PRSS12: variants seen among roughly 807,000 people sequenced by gnomAD.
The protein encoded by PRSS12 is serine protease 12.
A neutral mutation model predicts 104.4 loss-of-function variants in PRSS12; 85 were observed. That is an observed-to-expected ratio of 0.81 (90% confidence interval 0.68 to 0.98). The LOEUF is 0.98. Ranked by LOEUF, PRSS12 falls within the 50% of genes least tolerant of loss-of-function variation. PRSS12 has a pLI of 0.00. For missense variants in PRSS12, 1,141 were observed against 1,139.2 expected, an observed-to-expected ratio of 1.00 and a Z score of -0.02; for synonymous variants, 454 against 425.2, an observed-to-expected ratio of 1.07 and a Z score of -0.83.
intron 5 of PRSS12, 71 bp downstream of exon 5, chr4:118,318,307 A>G: frequency 7.0e-7 from 1 of 1,434,870 alleles, no homozygotes; most frequent in Non-Finnish European, 9.7e-7. Context: ...AATTAAGGAG[A>G]AGGGAAGCTG....
At chr4:118,287,006 G>A (rs1248036855) in intron 11 of PRSS12, among the ~76,000 whole-genome samples, 2 of 152,176 alleles carry the variant, frequency 1.3e-5, no homozygotes, top group East Asian at 3.9e-4. Context: ...GTAAACCCCA[G>A]AATTTGTATG....
At chr4:118,315,840 T>A (rs1247906582) in intron 6 of PRSS12, among the ~76,000 whole-genome samples, 1 of 152,208 alleles carries the variant, frequency 6.6e-6, no homozygotes, top group Non-Finnish European at 1.5e-5. Context: ...TAGACAATGA[T>A]GTCAAAACTA....
intron 3 of PRSS12, among the ~76,000 whole-genome samples, chr4:118,332,816 A>T (rs1723961959): frequency 6.6e-6 from 1 of 152,198 alleles, no homozygotes; most frequent in Non-Finnish European, 1.5e-5. Context: ...ATAATTGGCA[A>T]CATCTATTCA....
intron 4 of PRSS12, among the ~76,000 whole-genome samples, chr4:118,330,942 T>A (rs5019068): frequency 3.1e-5 from 1 of 31,838 alleles, no homozygotes; most frequent in Admixed American, 7.7e-4. Context: ...CTGAACACAA[T>A]GAACAGGGAA....
intron 11 of PRSS12, among the ~76,000 whole-genome samples, chr4:118,292,487 G>A (rs895588717): frequency 6.6e-6 from 1 of 152,156 alleles, no homozygotes; most frequent in Non-Finnish European, 1.5e-5. Context: ...TATCAGCAAA[G>A]TCAACATCTC....
At chr4:118,282,428 A>G (rs950052566) in intron 12 of PRSS12, among the ~76,000 whole-genome samples, 185 bp from the exon 13 acceptor site, 21 of 152,232 alleles carry the variant, frequency 1.4e-4, no homozygotes, top group Non-Finnish European at 2.6e-4. Flanking sequence ...CACAATCTTA[A>G]CCTTCACAAA....
intron 1 of PRSS12, among the ~76,000 whole-genome samples, chr4:118,347,737 G>A (rs970700663): frequency 2.0e-5 from 3 of 152,172 alleles, no homozygotes; most frequent in Non-Finnish European, 1.5e-5. Flanking sequence ...TGCCCAGAAT[G>A]GGGTGCAGTG....
intron 1 of PRSS12, among the ~76,000 whole-genome samples, chr4:118,340,208 A>G (rs1724166718): frequency 6.6e-6 from 1 of 152,222 alleles, no homozygotes; most frequent in African/African-American, 2.4e-5. Context: ...CAGGTCAACT[A>G]TCAGCTGCAC....
At position 118,352,468 on chromosome 4, in the gene PRSS12, T is replaced by C; in HGVS notation, c.253A>G (p.Thr85Ala). 1 of 1,394,434 alleles carries C rather than the reference T, an allele frequency of 7.2e-7. No homozygotes were observed. Among genetic ancestry groups the C allele is most frequent in the Non-Finnish European group, 9.2e-7 (1 of 1,081,892 alleles). The allele number at this position is 1,394,434 out of a possible 1,614,324, so 86.4% of individuals were successfully genotyped here. A position where few individuals can be genotyped will look rare whatever the true frequency, so the allele number is the denominator to read the frequency against. ...QRPHALQAGH[T>A]PRPHPWGCPA... ...CAGCCCCAGGGGTGCGGCCGGGGCGTGTGCCCGGCCTGGAGGGCGTGCGGG... is the reference window on the plus strand; with the variant it reads ...CAGCCCCAGGGGTGCGGCCGGGGCGCGTGCCCGGCCTGGAGGGCGTGCGGG... Residue 85 changes from threonine to alanine, a missense_variant, in exon 1 of 13, where the codon ACG becomes GCG. By Grantham distance (58) the Thr-to-Ala change is moderately conservative. Coordinates refer to ENST00000296498, the MANE Select transcript of PRSS12 (RefSeq NM_003619.4).
Position 118,318,231 on chromosome 4 carries a change from C to T in PRSS12, c.1150+147G>A, listed in dbSNP as rs1421480965. On this transcript the variant is annotated intron_variant, in intron 5 of 12. Coordinates refer to ENST00000296498, the MANE Select transcript of PRSS12 (RefSeq NM_003619.4). ...AATAAAAAGATGGTACTTTAATATA[C>T]GGTTTGCATTCTTTTTGTTTGTTTT... The T allele has an allele frequency of 9.1e-5, 71 of 780,720 alleles. 1 individual carries two copies. The South Asian group carries it at 1.2e-3, about 13-fold the overall frequency. 48.4% of individuals were successfully genotyped at this position (780,720 alleles called of 1,614,324 possible). A position where few individuals can be genotyped will look rare whatever the true frequency, so the allele number is the denominator to read the frequency against.
In PRSS12 at chr4:118,302,503, C is replaced by A. The variant is rs542733583; in HGVS notation, c.1632-3565G>T. ...GTGCAATGGCACAATCTCAGCTTAC[C>A]GCAACCTCTCCCTTCTTGGTTCAAG... is the stretch of plus-strand genomic sequence containing the variant. On this transcript the variant is annotated intron_variant, in intron 8 of 12. Transcript: ENST00000296498. Among the ~76,000 whole-genome samples, 5 of 152,194 alleles carry A rather than the reference C, an allele frequency of 3.3e-5. No homozygotes were observed. In the East Asian group the frequency reaches 9.7e-4, roughly 30 times the overall value.
intron 4 of PRSS12, among the ~76,000 whole-genome samples, chr4:118,322,290 C>G (rs570719384): frequency 2.6e-4 from 40 of 152,256 alleles, no homozygotes; most frequent in African/African-American, 8.9e-4. Context: ...TGGCTCACAG[C>G]TGTAATCCCC....
At chr4:118,295,143 A>G (rs886117210) in intron 10 of PRSS12, 82 bp from the exon 11 acceptor site, 130 of 1,519,476 alleles carry the variant, frequency 8.6e-5, no homozygotes, top group Non-Finnish European at 1.1e-4. Flanking sequence ...AATGGCTTTA[A>G]TAACTTTAAT....
intron 8 of PRSS12, among the ~76,000 whole-genome samples, chr4:118,302,525 C>T (rs1743425971): frequency 6.6e-6 from 1 of 152,210 alleles, no homozygotes; most frequent in South Asian, 2.1e-4. Flanking sequence ...CTTCTTGGTT[C>T]AAGCGATTCT....
chr4:118,299,946 G>C (rs185556756), intron 8 of PRSS12, among the ~76,000 whole-genome samples: 313 of 148,080 alleles, frequency 2.1e-3, no homozygotes, highest in Non-Finnish European at 3.6e-3. Flanking sequence ...ACGCCGTTGC[G>C]CTCCAGCCTG....
intron 1 of PRSS12, among the ~76,000 whole-genome samples, chr4:118,345,724 C>T (rs929218693): frequency 2.6e-5 from 4 of 152,082 alleles, no homozygotes; most frequent in African/African-American, 9.7e-5. Flanking sequence ...AAATGTTATT[C>T]ATCCAGATAT....
At chr4:118,298,523 G>A (rs1484037823) in intron 9 of PRSS12, among the ~76,000 whole-genome samples, 6 of 152,104 alleles carry the variant, frequency 3.9e-5, no homozygotes, top group Non-Finnish European at 5.9e-5. Flanking sequence ...ACAAGGCCCC[G>A]TAAATTCATT....
At chr4:118,298,140 C>T (rs887751690) in intron 9 of PRSS12, among the ~76,000 whole-genome samples, 1 of 59,504 alleles carries the variant, frequency 1.7e-5, no homozygotes, top group Non-Finnish European at 3.6e-5. Context: ...TCCGTCTCAA[C>T]AAAAAAAAAA....
intron 1 of PRSS12, among the ~76,000 whole-genome samples, chr4:118,340,747 C>T (rs1268770041): frequency 6.6e-6 from 1 of 152,300 alleles, no homozygotes; most frequent in South Asian, 2.1e-4. Context: ...TTTTACGTGA[C>T]GTGGGAGCCT....
Sources: gnomAD v4.1 joint callset for allele counts (sites outside exome capture counted in the v4.1 genomes callset) on GRCh38, gnomAD v4.1.1 for gene constraint, MANE v1.5 for transcripts, NCBI Gene and HGNC (gene_info 2026-07-23, HGNC 2026-07-21) for gene names.